The following IVD variants were observed in gnomAD, a reference collection of about 807,000 sequenced individuals.
IVD encodes isovaleryl-CoA dehydrogenase, mitochondrial.
A neutral mutation model predicts 51.3 loss-of-function variants in IVD; 31 were observed. The ratio of observed to expected loss-of-function variants is 0.60; its 90% CI spans 0.45 to 0.81. The LOEUF is 0.81. Among genes scored for constraint, IVD ranks in the 40% least tolerant of loss-of-function variants. The pLI is 0.00. For synonymous variants in IVD, 205 were observed against 219.4 expected (o/e 0.93, Z 0.58); for missense variants, 475 against 552.0 (o/e 0.86, Z 1.40).
chr15:40,408,838 T>A (rs771619666), intron 3 of IVD, among the ~76,000 whole-genome samples: 16 of 152,086 alleles, frequency 1.1e-4, no homozygotes, highest in Non-Finnish European at 1.2e-4. Flanking sequence ...TAATCCCAGC[T>A]ACTCGGGAGG....
intron 7 of IVD, among the ~76,000 whole-genome samples, chr15:40,430,489 G>A (rs1174276684): frequency 2.0e-5 from 3 of 152,206 alleles, no homozygotes; most frequent in African/African-American, 7.2e-5. Context: ...CAGGAGTCAC[G>A]GAAGGGTTTA....
intron 8 of IVD, 171 bp from the exon 9 acceptor site, chr15:40,415,230 T>C: frequency 1.3e-6 from 1 of 743,606 alleles, no homozygotes; most frequent in Non-Finnish European, 2.3e-6. Flanking sequence ...AAACGACACC[T>C]GGGCTGTCAC....
At chr15:40,424,948 C>A (rs976515745), downstream of IVD, among the ~76,000 whole-genome samples, 1 of 152,208 alleles carries the variant, frequency 6.6e-6, no homozygotes, top group Non-Finnish European at 1.5e-5. Flanking sequence ...CAGGGCCAGC[C>A]GGCTTTGCCT....
In IVD at chr15:40,411,140, C is replaced by T. The variant is rs8034416; in HGVS notation, c.457-120C>T. The T allele has an allele frequency of 0.67, 646,826 of 965,582 alleles. 220,371 individuals are homozygous for T. The highest frequency in any genetic ancestry group is 0.83 in the East Asian group (34,994 of 41,960). 59.8% of individuals were successfully genotyped at this position (965,582 alleles called of 1,614,324 possible). On this transcript the variant is annotated intron_variant, in intron 4 of 11. Transcript: ENST00000487418. ...GAAGAGACTTCTAGGACTTTACCGA[C>T]ACCCTGGTCTGAGAGCGAAGTTTGA...
At chr15:40,415,171 T>G in intron 8 of IVD, 189 bp downstream of exon 8, 1 of 774,894 alleles carries the variant, frequency 1.3e-6, no homozygotes, top group Non-Finnish European at 2.1e-6. Context: ...GAAATATCAT[T>G]AAGTAACAGA....
chr15:40,405,930 G>A lies in IVD; in HGVS notation c.103G>A (p.Val35Met). 1 of 1,613,004 alleles carries A rather than the reference G, an allele frequency of 6.2e-7. No homozygotes were observed. Among genetic ancestry groups the A allele is most frequent in the Non-Finnish European group, 8.5e-7 (1 of 1,179,776 alleles). ...VSQRAHSLLP[V>M]DDAINGLSEE... ...CCAGCGGGCCCACTCGCTTTTGCCCGTGGACGATGCAATCAATGGGCTAAG... is the reference window on the plus strand; with the variant it reads ...CCAGCGGGCCCACTCGCTTTTGCCCATGGACGATGCAATCAATGGGCTAAG... The change falls in exon 1 of 12, where the codon GTG (valine) becomes ATG (methionine). Residue 35 changes from valine (V) to methionine (M), a missense_variant. Transcript: ENST00000487418.
At chr15:40,432,795 C>A (rs1595832811) in intron 7 of IVD, among the ~76,000 whole-genome samples, 2 of 152,208 alleles carry the variant, frequency 1.3e-5, no homozygotes, top group African/African-American at 4.8e-5. Context: ...CCAAACCCAG[C>A]AAAGGGAGCC....
chr15:40,423,789 T>C (rs1892506681), downstream of IVD, among the ~76,000 whole-genome samples: 1 of 152,202 alleles, frequency 6.6e-6, no homozygotes, highest in African/African-American at 2.4e-5. Flanking sequence ...TGCATACATT[T>C]GATTTATGAG....
downstream of IVD, among the ~76,000 whole-genome samples, chr15:40,427,781 G>A (rs1258748340): frequency 6.6e-6 from 1 of 152,178 alleles, no homozygotes; most frequent in Non-Finnish European, 1.5e-5. Context: ...AAGACTTGAT[G>A]TCCTTCATAA....
chr15:40,414,970 G>A lies in IVD; in HGVS notation c.866G>A (p.Gly289Glu). Residue 289 changes from glycine to glutamate, a missense_variant, in exon 8 of 12, where the codon GGG becomes GAG. Coordinates refer to ENST00000487418, the MANE Select transcript of IVD (RefSeq NM_002225.5). ...GLDLERLVLA[G>E]GPLGLMQAVL... ...GACCTGGAGCGGCTGGTGCTGGCCG[G>A]GGGGCCTCTTGGGTAAGTGTGAGAG... is the stretch of plus-strand genomic sequence containing the variant. The A allele has an allele frequency of 6.2e-7, 1 of 1,613,960 alleles. No individual in the cohort carries two copies. Among genetic ancestry groups the A allele is most frequent in the Non-Finnish European group, 8.5e-7 (1 of 1,179,984 alleles).
intron 11 of IVD, 47 bp from the exon 12 acceptor site, chr15:40,418,083 G>A (rs764221695): frequency 6.2e-7 from 1 of 1,611,844 alleles, no homozygotes; most frequent in East Asian, 2.2e-5. Context: ...TGCTTTCTTT[G>A]TTTTGTCAAT....
chr15:40,415,281 A>G, intron 8 of IVD, 120 bp from the exon 9 acceptor site: 1 of 925,892 alleles, frequency 1.1e-6, no homozygotes, highest in Non-Finnish European at 1.7e-6. Context: ...AACTGTGGCA[A>G]GACTTTCTGA....
At position 40,420,149 on chromosome 15, in the gene IVD, AG is replaced by A. The variant is rs398026948; in HGVS notation, c.*1893del. On this transcript the variant is annotated 3_prime_UTR_variant, in exon 12 of 12. Transcript: ENST00000487418. ...TGAACACACATGCTGCTGAGTCCGC[AG>A]GGGGGGCAGAGCAGAGGACAGCGTG... is the stretch of plus-strand genomic sequence containing the variant. 0.51 allele frequency: 498,739 copies of A among 985,254 alleles called. 129,503 individuals are homozygous for A. The highest frequency in any genetic ancestry group is 0.79 in the East Asian group (6,960 of 8,786). The allele number at this position is 985,254 out of a possible 1,614,324, so 61.0% of individuals were successfully genotyped here.
chr15:40,411,713 G>A (rs1265359924), intron 6 of IVD, 22 bp downstream of exon 6: 1 of 1,613,926 alleles, frequency 6.2e-7, no homozygotes, highest in South Asian at 1.1e-5. Flanking sequence ...TGGGTGCAGG[G>A]CCAGGAGGCT....
chr15:40,422,082 T>C (rs1184422609), downstream of IVD, among the ~76,000 whole-genome samples: 1 of 152,238 alleles, frequency 6.6e-6, no homozygotes, highest in African/African-American at 2.4e-5. Context: ...AGCTCGAGTG[T>C]CGCATGGAGC....
rs1018286505 is a variant in IVD at position 40,419,698 on chromosome 15, T to A, written c.*1435T>A. ...GGTGGCAGGCTCCTGTAATCCCAGC[T>A]ACTCAGGAGGCTGAGGCAGAGAATT... is the stretch of plus-strand genomic sequence containing the variant. On this transcript the variant is annotated 3_prime_UTR_variant, in exon 12 of 12. Coordinates refer to ENST00000487418, the MANE Select transcript of IVD (RefSeq NM_002225.5). 6.4e-6 allele frequency: 1 copy of A among 155,614 alleles called. No individual in the cohort carries two copies. The highest frequency in any genetic ancestry group is 2.4e-5 in the African/African-American group (1 of 41,308). 9.6% of individuals were successfully genotyped at this position (155,614 alleles called of 1,614,324 possible). A position where few individuals can be genotyped will look rare whatever the true frequency, so the allele number is the denominator to read the frequency against.
At chr15:40,410,253 T>TC (rs1185044665) in intron 3 of IVD, among the ~76,000 whole-genome samples, 12 of 152,222 alleles carry the variant, frequency 7.9e-5, no homozygotes, top group African/African-American at 2.4e-4. Context: ...GGACACCACC[T>TC]CCACCCCAAT....
Position 40,416,101 on chromosome 15 carries a change from CAT to C in IVD, c.985_986del (p.Met329ValfsTer20). On this transcript the variant is annotated frameshift_variant, in exon 10 of 12. Coordinates refer to ENST00000487418, the MANE Select transcript of IVD (RefSeq NM_002225.5). LOFTEE classifies it high-confidence loss of function. The stretch of plus-strand genomic sequence containing the variant: ...AGTTGATGCAGGGGAAGATGGCTGA[CAT>C]GTACACCCGCCTCATGGCGTGTCGG... ...FQLMQGKMAD[M>X]YTRLMACRQY... The C allele has an allele frequency of 8.7e-6, 14 of 1,614,270 alleles. No individual in the cohort carries two copies. The highest frequency in any genetic ancestry group is 1.2e-5 in the Non-Finnish European group (14 of 1,180,046).
At chr15:40,409,698 C>T (rs1380372145) in intron 3 of IVD, among the ~76,000 whole-genome samples, 1 of 152,114 alleles carries the variant, frequency 6.6e-6, no homozygotes, top group Non-Finnish European at 1.5e-5. Context: ...GGATCTGCTG[C>T]CAAGGAAAAA....
Sources: allele counts gnomAD v4.1 joint callset (sites outside exome capture counted in the v4.1 genomes callset), GRCh38; gene constraint gnomAD v4.1.1; transcripts MANE v1.5; gene names NCBI Gene and HGNC (gene_info 2026-07-23, HGNC 2026-07-21).